The following GRIP1 variants were observed in gnomAD, a reference collection of about 807,000 sequenced individuals.
The protein encoded by GRIP1 is glutamate receptor-interacting protein 1.
A neutral mutation model predicts 129.9 loss-of-function variants in GRIP1; 45 were observed. The ratio of observed to expected loss-of-function variants is 0.35; its 90% CI spans 0.27 to 0.44. The LOEUF is 0.44. GRIP1 is among the 20% of genes least tolerant of loss of function. GRIP1 has a pLI of 1.00. For missense variants in GRIP1, 1,196 were observed against 1,396.8 expected (o/e 0.86, Z 2.29); for synonymous variants, 530 against 520.8 (o/e 1.02, Z -0.24).
At chr12:66,350,081 C>A (rs2054153910) in intron 24 of GRIP1, among the ~76,000 whole-genome samples, 1 of 152,084 alleles carries the variant, frequency 6.6e-6, no homozygotes, top group Non-Finnish European at 1.5e-5. Context: ...CCGCTCGTGA[C>A]ACCTCCTCAC....
chr12:67,064,010 C>T (rs2043579726), intron 1 of GRIP1, among the ~76,000 whole-genome samples: 1 of 151,910 alleles, frequency 6.6e-6, no homozygotes. Flanking sequence ...ATGGCAAATA[C>T]GCTTTGAAAA....
chr12:67,048,433 T>C (rs956839725), intron 1 of GRIP1, among the ~76,000 whole-genome samples: 1 of 152,170 alleles, frequency 6.6e-6, no homozygotes, highest in Non-Finnish European at 1.5e-5. Flanking sequence ...AAATTTTATA[T>C]ATGTAAACGT....
intron 15 of GRIP1, 109 bp downstream of exon 15, chr12:66,420,611 T>C (rs1257695043): frequency 1.3e-6 from 1 of 742,220 alleles, no homozygotes. Context: ...TTGGAAGTTT[T>C]TGAAAATACA....
intron 1 of GRIP1, among the ~76,000 whole-genome samples, chr12:66,606,240 T>C (rs1261286672): frequency 6.6e-6 from 1 of 152,174 alleles, no homozygotes; most frequent in Non-Finnish European, 1.5e-5. Flanking sequence ...AGTCAGAACT[T>C]ATCAGAGTGC....
chr12:67,061,669 G>A (rs2043537891), intron 1 of GRIP1, among the ~76,000 whole-genome samples: 1 of 152,034 alleles, frequency 6.6e-6, no homozygotes, highest in Non-Finnish European at 1.5e-5. Flanking sequence ...TTAGTTTTAG[G>A]AGATAAATGT....
At chr12:66,413,698 A>G (rs1291252306) in intron 15 of GRIP1, among the ~76,000 whole-genome samples, 1 of 152,198 alleles carries the variant, frequency 6.6e-6, no homozygotes, top group Non-Finnish European at 1.5e-5. Flanking sequence ...AAAAATCCTC[A>G]ATAAAATACT....
intron 13 of GRIP1, among the ~76,000 whole-genome samples, chr12:66,433,481 A>G (rs914670502): frequency 1.3e-5 from 2 of 152,236 alleles, no homozygotes; most frequent in Middle Eastern, 6.3e-3. Context: ...CAGTCAGTAT[A>G]GAAGTAAGCT....
chr12:66,742,606 T>C (rs887341313), intron 1 of GRIP1, among the ~76,000 whole-genome samples: 2 of 152,012 alleles, frequency 1.3e-5, no homozygotes, highest in African/African-American at 2.4e-5. Flanking sequence ...TTCTGGTGTA[T>C]CATAATACAC....
At chr12:66,598,436 T>C (rs892162620) in intron 1 of GRIP1, among the ~76,000 whole-genome samples, 1 of 152,232 alleles carries the variant, frequency 6.6e-6, no homozygotes, top group African/African-American at 2.4e-5. Context: ...ATTCAATCAA[T>C]ATCGCTTTTG....
chr12:66,462,322 A>G (rs1319682619), intron 9 of GRIP1, among the ~76,000 whole-genome samples: 1 of 152,120 alleles, frequency 6.6e-6, no homozygotes, highest in African/African-American at 2.4e-5. Context: ...ATTAAAATCC[A>G]CTTTACTTAT....
chr12:66,978,225 AAG>A (rs1441568851), intron 1 of GRIP1, among the ~76,000 whole-genome samples: 2 of 152,124 alleles, frequency 1.3e-5, no homozygotes, highest in Non-Finnish European at 2.9e-5. Flanking sequence ...GGGAATTTTT[AAG>A]ATTACTTTTT....
intron 24 of GRIP1, among the ~76,000 whole-genome samples, chr12:66,349,873 C>T (rs933580166): frequency 6.6e-6 from 1 of 151,936 alleles, no homozygotes; most frequent in Non-Finnish European, 1.5e-5. Context: ...TATACATGCA[C>T]CCATCTTCTT....
chr12:67,056,133 C>A (rs2043431400), intron 1 of GRIP1, among the ~76,000 whole-genome samples: 1 of 152,164 alleles, frequency 6.6e-6, no homozygotes, highest in Admixed American at 6.5e-5. Flanking sequence ...CATGTCTATT[C>A]CAGTTACTCT....
intron 7 of GRIP1, among the ~76,000 whole-genome samples, chr12:66,478,652 G>A (rs1166850490): frequency 1.3e-5 from 2 of 152,104 alleles, no homozygotes; most frequent in Non-Finnish European, 2.9e-5. Flanking sequence ...TGATAGACTG[G>A]ATTAAGAAAA....
intron 1 of GRIP1, among the ~76,000 whole-genome samples, chr12:66,973,704 T>C (rs2042108943): frequency 6.6e-6 from 1 of 152,100 alleles, no homozygotes; most frequent in Non-Finnish European, 1.5e-5. Context: ...ACATATAACA[T>C]GACCCTAAAG....
At chr12:66,900,910 AC>A (rs1196563652) in intron 1 of GRIP1, among the ~76,000 whole-genome samples, 2 of 152,208 alleles carry the variant, frequency 1.3e-5, no homozygotes, top group Non-Finnish European at 2.9e-5. Flanking sequence ...AAAAGCTAAG[AC>A]AAAATACTTT....
intron 3 of GRIP1, among the ~76,000 whole-genome samples, chr12:66,540,973 T>TA (rs981034164): frequency 6.6e-5 from 10 of 151,312 alleles, no homozygotes; most frequent in East Asian, 2.0e-4. Flanking sequence ...TTTTTTTTTT[T>TA]AATTTTTTTT....
At chr12:66,841,647 C>T (rs1791839530) in intron 1 of GRIP1, among the ~76,000 whole-genome samples, 1 of 152,132 alleles carries the variant, frequency 6.6e-6, no homozygotes, top group South Asian at 2.1e-4. Context: ...GGGCTCAAAT[C>T]TCAAGTCTCA....
chr12:66,830,994 G>A (rs2039506727), intron 1 of GRIP1, among the ~76,000 whole-genome samples: 1 of 151,942 alleles, frequency 6.6e-6, no homozygotes, highest in African/African-American at 2.4e-5. Context: ...CTACAAGCAT[G>A]TGCCACTACA....
Sources: allele counts gnomAD v4.1 joint callset (sites outside exome capture counted in the v4.1 genomes callset), GRCh38; gene constraint gnomAD v4.1.1; transcripts MANE v1.5; gene names NCBI Gene and HGNC (gene_info 2026-07-23, HGNC 2026-07-21).